FBXL2: variants seen among roughly 807,000 people sequenced by gnomAD.
FBXL2 encodes the protein F-box and leucine rich repeat protein 2, also known as F-box/LRR-repeat protein 2.
Under a neutral mutation model 69.2 loss-of-function variants are expected in FBXL2, and 38 were observed. The observed-to-expected ratio is 0.55, with a 90% CI of 0.42 to 0.72. FBXL2 has a LOEUF of 0.72. Among genes scored for constraint, FBXL2 ranks in the 30% least tolerant of loss-of-function variants. The pLI, the probability that FBXL2 is intolerant of heterozygous loss-of-function variation, is 0.00. For synonymous variants in FBXL2, 192 were observed against 201.3 expected (o/e 0.95, Z 0.39); for missense variants, 354 against 520.3 (o/e 0.68, Z 3.11).
chr3:33,392,963 T>C (rs905504639), downstream of FBXL2: 2 of 313,650 alleles, frequency 6.4e-6, no homozygotes, highest in Non-Finnish European at 1.2e-5. Context: ...ATATCTTACA[T>C]GTTTTTTTAA....
chr3:33,375,181 C>G, intron 9 of FBXL2, 107 bp from the exon 10 acceptor site: 1 of 1,360,170 alleles, frequency 7.4e-7, no homozygotes, highest in South Asian at 1.3e-5. Context: ...GGATAAAATG[C>G]TAGTAATCAG....
chr3:33,353,728 T>A (rs73049571), intron 2 of FBXL2, among the ~76,000 whole-genome samples: 42,271 of 151,608 alleles, frequency 0.28, 6,837 homozygotes, highest in East Asian at 0.47. Context: ...CTTCAAAAAA[T>A]TTTTTTTTCT....
chr3:33,301,402 A>G (rs1018256232), intron 2 of FBXL2, among the ~76,000 whole-genome samples: 2 of 152,154 alleles, frequency 1.3e-5, no homozygotes, highest in Non-Finnish European at 2.9e-5. Flanking sequence ...CTAGCTTCCA[A>G]TACTGATCAC....
chr3:33,313,705 C>T (rs1374387573), intron 2 of FBXL2, among the ~76,000 whole-genome samples: 1 of 152,052 alleles, frequency 6.6e-6, no homozygotes, highest in Non-Finnish European at 1.5e-5. Flanking sequence ...GCCTTACCTC[C>T]TGAACTACTG....
intron 2 of FBXL2, among the ~76,000 whole-genome samples, chr3:33,330,282 C>CAAA (rs113208210): frequency 2.5e-5 from 3 of 117,734 alleles, no homozygotes; most frequent in African/African-American, 8.9e-5. Context: ...AGACATTGTC[C>CAAA]AAAAAAAAAA....
intron 1 of FBXL2, among the ~76,000 whole-genome samples, chr3:33,280,361 C>T (rs1294344419): frequency 2.0e-5 from 3 of 152,140 alleles, no homozygotes; most frequent in Non-Finnish European, 4.4e-5. Flanking sequence ...AAAATGTATT[C>T]TCTGAGATTT....
At chr3:33,317,167 G>A (rs1305751123) in intron 2 of FBXL2, among the ~76,000 whole-genome samples, 1 of 152,062 alleles carries the variant, frequency 6.6e-6, no homozygotes, top group East Asian at 1.9e-4. Context: ...CAAAGCTATG[G>A]GATTATAGGC....
chr3:33,411,496 G>A, the FBXL2 span: 1 of 1,149,584 alleles, frequency 8.7e-7, no homozygotes, highest in South Asian at 1.3e-5. Context: ...GACATTTAAA[G>A]GAAATGATAC....
intron 13 of FBXL2, among the ~76,000 whole-genome samples, chr3:33,381,336 G>A (rs1278420466): frequency 6.6e-6 from 1 of 152,114 alleles, no homozygotes; most frequent in Admixed American, 6.5e-5. Flanking sequence ...ATATACGTGT[G>A]AATCCATATG....
the FBXL2 span, among the ~76,000 whole-genome samples, chr3:33,418,541 G>A: frequency 6.6e-6 from 1 of 151,896 alleles, no homozygotes; most frequent in Non-Finnish European, 1.5e-5. Context: ...TTACAGGCGT[G>A]AGCCACCGCA....
Position 33,386,250 on chromosome 3 carries a change from T to C in FBXL2, c.*642T>C, listed in dbSNP as rs889820659. ...TTTTTGTTTCTGTCAACTTGTCATA[T>C]ACACCTCCAGGGACCAAAAACAAAA... On this transcript the variant is annotated 3_prime_UTR_variant, in exon 15 of 15. Coordinates refer to ENST00000484457, the MANE Select transcript of FBXL2 (RefSeq NM_012157.5). 7.1e-5 allele frequency: 11 copies of C among 153,914 alleles called. No individual in the cohort carries two copies. The highest frequency in any genetic ancestry group is 2.7e-4 in the African/African-American group (11 of 41,460). The allele number at this position is 153,914 out of a possible 1,614,324, so 9.5% of individuals were successfully genotyped here.
chr3:33,297,575 C>T (rs763019565), intron 1 of FBXL2, 89 bp from the exon 2 acceptor site: 34 of 730,870 alleles, frequency 4.7e-5, no homozygotes, highest in Non-Finnish European at 6.5e-5. Context: ...TAATTGGGGC[C>T]GTTCTGATCT....
chr3:33,392,514 C>T, downstream of FBXL2: 4 of 1,532,072 alleles, frequency 2.6e-6, no homozygotes, highest in Non-Finnish European at 3.6e-6. Context: ...GAGGCACACA[C>T]CATCTCTCAT....
At chr3:33,296,986 G>T (rs1019447797) in intron 1 of FBXL2, among the ~76,000 whole-genome samples, 2 of 152,238 alleles carry the variant, frequency 1.3e-5, no homozygotes, top group African/African-American at 4.8e-5. Context: ...TTTAGGAAGC[G>T]TTGCTAACAT....
At chr3:33,334,816 C>T (rs918057476) in intron 2 of FBXL2, among the ~76,000 whole-genome samples, 18 of 152,180 alleles carry the variant, frequency 1.2e-4, no homozygotes, top group African/African-American at 4.3e-4. Flanking sequence ...TGCAGTGGCT[C>T]ACATCTGTAA....
chr3:33,418,506 G>A, the FBXL2 span, among the ~76,000 whole-genome samples: 2 of 151,744 alleles, frequency 1.3e-5, no homozygotes, highest in East Asian at 4.0e-4. Flanking sequence ...TGATTCACCC[G>A]CCTCAGCCTC....
chr3:33,345,148 A>G (rs2040341701), intron 2 of FBXL2, among the ~76,000 whole-genome samples: 1 of 152,238 alleles, frequency 6.6e-6, no homozygotes. Flanking sequence ...TCTGGAGATC[A>G]GAGTCTGAAT....
At chr3:33,335,848 T>A (rs945354630) in intron 2 of FBXL2, among the ~76,000 whole-genome samples, 2 of 152,148 alleles carry the variant, frequency 1.3e-5, no homozygotes, top group African/African-American at 4.8e-5. Context: ...AGACCCTGTC[T>A]CAGAAGAAGC....
Position 33,386,338 on chromosome 3 carries a change from AAC to A in FBXL2, c.*734_*735del, listed in dbSNP as rs2043428338. On this transcript the variant is annotated 3_prime_UTR_variant, in exon 15 of 15. Coordinates refer to ENST00000484457, the MANE Select transcript of FBXL2 (RefSeq NM_012157.5). ...AGCTCTGGTGTATGCTACAGCACATAACACATTTTTACTAAAGGAAAAAAGCT... is the reference window on the plus strand; with the variant it reads ...AGCTCTGGTGTATGCTACAGCACATAACATTTTTACTAAAGGAAAAAAGCT... The A allele has an allele frequency of 1.3e-5, 2 of 152,456 alleles. No individual in the cohort carries two copies. The allele number at this position is 152,456 out of a possible 1,614,324, so 9.4% of individuals were successfully genotyped here.
Sources: gnomAD v4.1 joint callset for allele counts (sites outside exome capture counted in the v4.1 genomes callset) on GRCh38, gnomAD v4.1.1 for gene constraint, MANE v1.5 for transcripts, NCBI Gene and HGNC (gene_info 2026-07-23, HGNC 2026-07-21) for gene names.